GRK5: variants seen among roughly 807,000 people sequenced by gnomAD.
The protein encoded by GRK5 is G protein-coupled receptor kinase 5, also known as g protein-coupled receptor kinase GRK5.
In GRK5, 40 loss-of-function variants were observed where a neutral mutation model predicts 78.4. The observed-to-expected ratio is 0.51, with a 90% CI of 0.40 to 0.66. The LOEUF is 0.66. Among genes scored for constraint, GRK5 ranks in the 30% least tolerant of loss-of-function variants. The pLI, the probability that GRK5 is intolerant of heterozygous loss-of-function variation, is 0.00. For synonymous variants in GRK5, 289 were observed against 296.8 expected, an observed-to-expected ratio of 0.97 and a Z score of 0.27; for missense variants, 598 against 759.9, an observed-to-expected ratio of 0.79 and a Z score of 2.50.
At position 119,211,990 on chromosome 10, in the gene GRK5, T is replaced by C. The variant is rs1848495083; in HGVS notation, c.52+4021T>C. On this transcript the variant is annotated intron_variant, in intron 1 of 15. Coordinates refer to ENST00000392870, the MANE Select transcript of GRK5 (RefSeq NM_005308.3). ...CTGAAGCTCAAAGCCCTCTTATGGC[T>C]ATGTGAAGGCATACGTGGAGGCATA... Among the ~76,000 whole-genome samples, 3 of 152,230 alleles carry C rather than the reference T, an allele frequency of 2.0e-5. No individual in the cohort carries two copies. The South Asian group carries it at 6.2e-4, about 31-fold the overall frequency.
Position 119,398,274 on chromosome 10 carries a change from A to G in GRK5, c.339+1502A>G, listed in dbSNP as rs572638777. 4.6e-5 allele frequency among the ~76,000 whole-genome samples: 7 copies of G among 152,130 alleles called. No individual in the cohort carries two copies. The South Asian group carries it at 1.2e-3, about 27-fold the overall frequency. ...GGCCACCACTCAAGATAGTGTGGAC[A>G]CTCTGGGCATAAACACATGCCCTGA... On this transcript the variant is annotated intron_variant, in intron 4 of 15. Transcript: ENST00000392870.
At chr10:119,260,550 C>G (rs199755774) in intron 1 of GRK5, among the ~76,000 whole-genome samples, 3 of 151,804 alleles carry the variant, frequency 2.0e-5, no homozygotes, top group Admixed American at 6.6e-5. Context: ...GAGGACCCTG[C>G]GGCCTTCCGC....
At chr10:119,423,299 C>G in intron 5 of GRK5, 33 bp downstream of exon 5, 1 of 1,492,980 alleles carries the variant, frequency 6.7e-7, no homozygotes, top group Non-Finnish European at 9.3e-7. Flanking sequence ...CTGTCCTCCC[C>G]GGGCTGCCCA....
At chr10:119,350,213 A>G (rs1476993593) in intron 2 of GRK5, among the ~76,000 whole-genome samples, 2 of 152,166 alleles carry the variant, frequency 1.3e-5, no homozygotes, top group Non-Finnish European at 1.5e-5. Context: ...CCCCTTTCAC[A>G]TGTGGGTCCT....
At chr10:119,370,465 G>A (rs1278798644) in intron 2 of GRK5, among the ~76,000 whole-genome samples, 1 of 152,252 alleles carries the variant, frequency 6.6e-6, no homozygotes, top group East Asian at 1.9e-4. Flanking sequence ...GTGTGTTTGT[G>A]TGACACACCA....
At chr10:119,394,370 GGGTGTCGGTGTGTGTATCTGTGTC>G (rs1408633675) in intron 3 of GRK5, among the ~76,000 whole-genome samples, 1 of 93,844 alleles carries the variant, frequency 1.1e-5, no homozygotes, top group Non-Finnish European at 2.4e-5. Context: ...GGGTGTGTGT[GGGTGTCGGTGTGTGTATCTGTGTC>G]TGTGTGTGGG....
chr10:119,407,766 G>A (rs79290746), intron 4 of GRK5, among the ~76,000 whole-genome samples: 13,719 of 152,258 alleles, frequency 0.09, 1,473 homozygotes, highest in African/African-American at 0.25. Flanking sequence ...GCTCATGCCT[G>A]TAATCTCAAC....
chr10:119,261,065 C>T (rs61153739), intron 1 of GRK5, among the ~76,000 whole-genome samples: 1,139 of 4,380 alleles, frequency 0.26, 63 homozygotes, highest in Middle Eastern at 0.5. Context: ...CCGGACGGGG[C>T]GGCTGGCCGG....
intron 1 of GRK5, among the ~76,000 whole-genome samples, chr10:119,243,693 T>C (rs978734742): frequency 6.6e-6 from 1 of 152,032 alleles, no homozygotes; most frequent in Non-Finnish European, 1.5e-5. Context: ...ATAGAGCTTC[T>C]TTTCTGAAAA....
At chr10:119,325,132 A>G (rs1850651355) in intron 1 of GRK5, among the ~76,000 whole-genome samples, 1 of 152,248 alleles carries the variant, frequency 6.6e-6, no homozygotes, top group African/African-American at 2.4e-5. Flanking sequence ...AATCAGGGCT[A>G]TGACCTTGCT....
At chr10:119,427,105 C>T (rs1333407118) in intron 6 of GRK5, among the ~76,000 whole-genome samples, 1 of 152,136 alleles carries the variant, frequency 6.6e-6, no homozygotes, top group African/African-American at 2.4e-5. Context: ...TCATCAGCAT[C>T]ACTGCTATCA....
chr10:119,444,501 C>T (rs1853104382), intron 12 of GRK5, among the ~76,000 whole-genome samples: 1 of 152,162 alleles, frequency 6.6e-6, no homozygotes, highest in African/African-American at 2.4e-5. Flanking sequence ...GGGAGATGGC[C>T]ACTTCCTGCT....
intron 1 of GRK5, among the ~76,000 whole-genome samples, chr10:119,294,487 C>A (rs1162248318): frequency 2.6e-5 from 4 of 152,152 alleles, no homozygotes; most frequent in Admixed American, 2.6e-4. Flanking sequence ...CAAGCTGGAC[C>A]TCTGGGCTTT....
chr10:119,327,476 G>A (rs769715090), intron 2 of GRK5, among the ~76,000 whole-genome samples: 4 of 152,220 alleles, frequency 2.6e-5, no homozygotes, highest in Non-Finnish European at 5.9e-5. Flanking sequence ...ACACGTTTAA[G>A]AAGACTCAAG....
At chr10:119,360,045 T>G (rs1293715173) in intron 2 of GRK5, among the ~76,000 whole-genome samples, 62 of 51,776 alleles carry the variant, frequency 1.2e-3, no homozygotes, top group East Asian at 1.4e-3. Context: ...TAGAGGGAGG[T>G]GGAGGGAGAC....
At chr10:119,411,611 T>C (rs1381188638) in intron 4 of GRK5, among the ~76,000 whole-genome samples, 1 of 152,122 alleles carries the variant, frequency 6.6e-6, no homozygotes, top group East Asian at 1.9e-4. Context: ...AAGTGAATAT[T>C]GAGAAGGAGA....
rs1262584638 is a variant in GRK5, at chr10:119,452,508, T to TC, written c.1405-162dup. 1.4e-6 allele frequency: 1 copy of TC among 737,866 alleles called. No individual in the cohort carries two copies. The highest frequency in any genetic ancestry group is 2.2e-6 in the Non-Finnish European group (1 of 462,970). 45.7% of individuals were successfully genotyped at this position (737,866 alleles called of 1,614,324 possible). A position where few individuals can be genotyped will look rare whatever the true frequency, so the allele number is the denominator to read the frequency against. ...ACTGGGGCCGACCCCTCCCCTGGACTCACCTGCATCTGAGCCACACACCCT... is the reference window on the plus strand; with the variant it reads ...ACTGGGGCCGACCCCTCCCCTGGACTCCACCTGCATCTGAGCCACACACCCT... On this transcript the variant is annotated intron_variant, in intron 13 of 15. Coordinates refer to ENST00000392870, the MANE Select transcript of GRK5 (RefSeq NM_005308.3). The surrounding 1 kb of genome is among the most constrained non-coding windows in gnomAD (Gnocchi z 4.4).
chr10:119,380,953 T>C, intron 3 of GRK5, 26 bp downstream of exon 3: 1 of 1,345,660 alleles, frequency 7.4e-7, no homozygotes, highest in Admixed American at 1.7e-5. Context: ...TGAGGGATGG[T>C]CCTGTGGTCC....
chr10:119,425,138 C>A, intron 6 of GRK5, 53 bp downstream of exon 6: 2 of 1,283,654 alleles, frequency 1.6e-6, no homozygotes, highest in South Asian at 1.2e-5. Flanking sequence ...ACACATTTTT[C>A]ATCTGAGAAT....
Sources: gnomAD v4.1 joint callset for allele counts (sites outside exome capture counted in the v4.1 genomes callset) on GRCh38, gnomAD v4.1.1 for gene constraint, Gnocchi (gnomAD v3.1) non-coding constraint, MANE v1.5 for transcripts, NCBI Gene and HGNC (gene_info 2026-07-23, HGNC 2026-07-21) for gene names.